THADA: variants seen among roughly 807,000 people sequenced by gnomAD.
THADA encodes the protein tRNA (32-2'-O)-methyltransferase regulator THADA.
Under a neutral mutation model 219.8 loss-of-function variants are expected in THADA, and 213 were observed. The observed-to-expected ratio is 0.97, with a 90% CI of 0.87 to 1.09. THADA has a LOEUF of 1.09. THADA is among the 50% of genes least tolerant of loss of function. THADA has a pLI of 0.00. For missense variants in THADA, 2,956 were observed against 2,311.3 expected (o/e 1.28, Z -5.72); for synonymous variants, 1,018 against 828.9 (o/e 1.23, Z -3.92).
At chr2:43,500,729 A>G (rs776358651) in intron 24 of THADA, among the ~76,000 whole-genome samples, 1 of 152,212 alleles carries the variant, frequency 6.6e-6, no homozygotes, top group African/African-American at 2.4e-5. Context: ...GCAGCAAAGT[A>G]CAATAAAAAC....
chr2:43,230,941 A>T lies in THADA; in HGVS notation c.*7T>A. The T allele has an allele frequency of 6.3e-7, 1 of 1,598,650 alleles. No homozygotes were observed. Among genetic ancestry groups the T allele is most frequent in the Non-Finnish European group, 8.6e-7 (1 of 1,168,818 alleles). On this transcript the variant is annotated 3_prime_UTR_variant, in exon 38 of 38. Transcript: ENST00000405975. ...ACATACCCCCATCCCAATCCCCCAG[A>T]TTTTCTTCAACATGCCGCTTCTGTT...
Position 43,341,456 on chromosome 2 carries a change from T to C in THADA, c.4343+2666A>G, listed in dbSNP as rs1054955339. Among the ~76,000 whole-genome samples the C allele has an allele frequency of 3.3e-5, 5 of 152,276 alleles. No homozygotes were observed. The South Asian group carries it at 6.2e-4, about 19-fold the overall frequency. ...CAGGAGGACTTCCCTTCCTCTTAGC[T>C]GCAGAGGAAGCTGATGGCAGCTTTG... On this transcript the variant is annotated intron_variant, in intron 30 of 37. Transcript: ENST00000405975.
At chr2:43,498,295 GA>G (rs150124535) in intron 25 of THADA, among the ~76,000 whole-genome samples, 1,544 of 152,264 alleles carry the variant, frequency 0.01, 25 homozygotes, top group African/African-American at 0.035. Flanking sequence ...AAATGTTCCA[GA>G]AATGCACAGT....
At chr2:43,381,811 C>G (rs1405671498) in intron 29 of THADA, among the ~76,000 whole-genome samples, 2 of 152,134 alleles carry the variant, frequency 1.3e-5, no homozygotes, top group East Asian at 3.9e-4. Context: ...TCTCAAACTC[C>G]TGACCTCAAG....
At chr2:43,286,822 T>A in intron 35 of THADA, 86 bp downstream of exon 35, 1 of 1,507,186 alleles carries the variant, frequency 6.6e-7, no homozygotes, top group South Asian at 1.2e-5. Context: ...TGTTGCCATC[T>A]TTCACCTTCC....
chr2:43,292,052 TG>T (rs999238046), intron 33 of THADA, 51 bp downstream of exon 33: 9 of 1,230,146 alleles, frequency 7.3e-6, no homozygotes, highest in Non-Finnish European at 1.0e-5. Flanking sequence ...ACATAATGAC[TG>T]ATGGGACCAT....
rs1388376712 is a variant in THADA at position 43,578,934 on chromosome 2, C to T, written c.722-327G>A. ...GCAACCTCTACTTCCTGGGTTCAGG[C>T]GATTCTCCTGCCTCAGCCTCCCAAG... On this transcript the variant is annotated intron_variant, in intron 8 of 37. Transcript: ENST00000405975. Among the ~76,000 whole-genome samples the T allele has an allele frequency of 2.6e-5, 4 of 152,180 alleles. No homozygotes were observed. The South Asian group carries it at 6.2e-4, about 24-fold the overall frequency.
intron 26 of THADA, among the ~76,000 whole-genome samples, chr2:43,480,616 C>G (rs1047030794): frequency 8.6e-5 from 13 of 151,830 alleles, no homozygotes; most frequent in African/African-American, 3.1e-4. Flanking sequence ...CAAGACTAAT[C>G]TGGCCAATGT....
intron 29 of THADA, among the ~76,000 whole-genome samples, chr2:43,351,359 C>A (rs927710441): frequency 6.6e-6 from 1 of 152,164 alleles, no homozygotes; most frequent in Non-Finnish European, 1.5e-5. Flanking sequence ...TAACAACTTA[C>A]AAATGCTTTC....
intron 22 of THADA, among the ~76,000 whole-genome samples, chr2:43,512,900 A>G (rs1690677214): frequency 6.6e-6 from 1 of 152,218 alleles, no homozygotes; most frequent in Non-Finnish European, 1.5e-5. Flanking sequence ...GTCTGGTACG[A>G]CACCAGGCTT....
At chr2:43,436,832 A>G (rs897842183) in intron 26 of THADA, among the ~76,000 whole-genome samples, 3 of 152,184 alleles carry the variant, frequency 2.0e-5, no homozygotes, top group African/African-American at 7.2e-5. Flanking sequence ...CAGGAGTACT[A>G]AGTGTGTCCT....
chr2:43,348,477 G>C (rs962115882), intron 29 of THADA, among the ~76,000 whole-genome samples: 1 of 152,108 alleles, frequency 6.6e-6, no homozygotes, highest in African/African-American at 2.4e-5. Context: ...ACAAAGAATG[G>C]GCAGAGAGCC....
At chr2:43,359,050 T>C (rs1669196963) in intron 29 of THADA, among the ~76,000 whole-genome samples, 1 of 152,146 alleles carries the variant, frequency 6.6e-6, no homozygotes, top group South Asian at 2.1e-4. Flanking sequence ...ACTCAAAATC[T>C]CCAGCAGTGA....
At chr2:43,471,097 C>T (rs939314410) in intron 26 of THADA, among the ~76,000 whole-genome samples, 3 of 152,054 alleles carry the variant, frequency 2.0e-5, no homozygotes, top group Non-Finnish European at 2.9e-5. Flanking sequence ...TCTAAAGGTC[C>T]GTGGTTCTCC....
intron 20 of THADA, among the ~76,000 whole-genome samples, chr2:43,541,659 C>A (rs1274130557): frequency 2.0e-5 from 3 of 152,066 alleles, no homozygotes; most frequent in African/African-American, 7.2e-5. Flanking sequence ...CAGGTATGCG[C>A]CACCACACCC....
At chr2:43,408,455 C>T (rs1200575450) in intron 28 of THADA, 3 of 152,192 alleles carry the variant, frequency 2.0e-5, no homozygotes, top group Admixed American at 6.6e-5. Context: ...AGAAAAGACA[C>T]ATACATGTCA....
Position 43,505,753 on chromosome 2 carries a change from A to G in THADA, c.3508-18T>C. On this transcript the variant is annotated intron_variant, in intron 23 of 37. Transcript: ENST00000405975. ...AACAGTGCCTATGGAAAAAGAATGC[A>G]AAAATTAACAGGGTTCTTAGTTTAC... 1.3e-6 allele frequency: 2 copies of G among 1,525,476 alleles called. No individual in the cohort carries two copies. Among genetic ancestry groups the G allele is most frequent in the Non-Finnish European group, 8.9e-7 (1 of 1,118,492 alleles). The allele number at this position is 1,525,476 out of a possible 1,614,324, so 94.5% of individuals were successfully genotyped here.
chr2:43,326,264 T>C (rs1299045711), intron 30 of THADA, among the ~76,000 whole-genome samples: 1 of 151,808 alleles, frequency 6.6e-6, no homozygotes. Context: ...AAAGGAGGGA[T>C]TAACAGAGTA....
chr2:43,313,262 A>G (rs1677710591), intron 31 of THADA, among the ~76,000 whole-genome samples: 1 of 152,256 alleles, frequency 6.6e-6, no homozygotes, highest in South Asian at 2.1e-4. Context: ...GTAATAAATG[A>G]GAGCCTGTCT....
Sources: allele counts gnomAD v4.1 joint callset (sites outside exome capture counted in the v4.1 genomes callset), GRCh38; gene constraint gnomAD v4.1.1; transcripts MANE v1.5; gene names NCBI Gene and HGNC (gene_info 2026-07-23, HGNC 2026-07-21).